The following SOX6 variants were observed in gnomAD, a reference collection of about 807,000 sequenced individuals.
SOX6 encodes the protein transcription factor SOX-6.
Under a neutral mutation model 97.8 loss-of-function variants are expected in SOX6, and 11 were observed. That is an observed-to-expected ratio of 0.11 (90% CI 0.07 to 0.19). The LOEUF is 0.19. SOX6 is among the 10% of genes least tolerant of loss of function. The probability of loss-of-function intolerance (pLI) is 1.00; values close to 1 mark genes in which losing one functional copy is unlikely to be tolerated. For missense variants in SOX6, 810 were observed against 1,039.5 expected (o/e 0.78, Z 3.04); for synonymous variants, 360 against 371.4 (o/e 0.97, Z 0.35).
chr11:16,019,360 C>T (rs940136878), intron 12 of SOX6, among the ~76,000 whole-genome samples: 4 of 152,010 alleles, frequency 2.6e-5, no homozygotes, highest in African/African-American at 9.7e-5. Flanking sequence ...AACCTTTATT[C>T]AAAAGCTCAT....
At chr11:16,706,703 G>GT (rs2134045121) in intron 3 of SOX6, among the ~76,000 whole-genome samples, 1 of 149,940 alleles carries the variant, frequency 6.7e-6, no homozygotes, top group South Asian at 2.1e-4. Context: ...GGGGAGAGGA[G>GT]TTTGAGTTTG....
chr11:16,562,456 C>A (rs1847826574), intron 4 of SOX6, among the ~76,000 whole-genome samples: 1 of 152,150 alleles, frequency 6.6e-6, no homozygotes, highest in African/African-American at 2.4e-5. Flanking sequence ...AGGAAAGAGG[C>A]AGCTTTTAGT....
At chr11:16,694,191 G>A (rs762148396) in intron 3 of SOX6, among the ~76,000 whole-genome samples, 10 of 152,100 alleles carry the variant, frequency 6.6e-5, no homozygotes, top group Non-Finnish European at 1.2e-4. Context: ...CATGATTTTT[G>A]TACTGTAGGA....
chr11:16,128,766 T>G (rs1849667480), intron 6 of SOX6, among the ~76,000 whole-genome samples: 2 of 152,186 alleles, frequency 1.3e-5, no homozygotes, highest in Non-Finnish European at 2.9e-5. Flanking sequence ...AGGGATAGTG[T>G]GACTTGCCGA....
chr11:16,452,012 A>AAATAAATAAATAAAT (rs1554968282), intron 1 of SOX6, among the ~76,000 whole-genome samples: 3 of 142,202 alleles, frequency 2.1e-5, no homozygotes, highest in Admixed American at 7.3e-5. Flanking sequence ...ATAAATAAAT[A>AAATAAATAAATAAAT]AAATAAAATT....
intron 4 of SOX6, among the ~76,000 whole-genome samples, chr11:16,495,964 ACAC>A (rs1488157764): frequency 6.6e-6 from 1 of 152,214 alleles, no homozygotes; most frequent in Admixed American, 6.5e-5. Context: ...GAAATCTCAG[ACAC>A]CATTGACACT....
chr11:16,310,398 C>T (rs534780374), intron 3 of SOX6, among the ~76,000 whole-genome samples: 2 of 152,156 alleles, frequency 1.3e-5, no homozygotes, highest in African/African-American at 4.8e-5. Context: ...ATAGTTCTAG[C>T]TCCTCAATAT....
chr11:16,336,910 C>G (rs1296468514), intron 2 of SOX6, among the ~76,000 whole-genome samples: 1 of 152,124 alleles, frequency 6.6e-6, no homozygotes, highest in South Asian at 2.1e-4. Flanking sequence ...CCAATTTCAG[C>G]TCAAATGTCA....
At position 16,206,171 on chromosome 11, in the gene SOX6, C is replaced by T. The variant is rs568229084; in HGVS notation, c.536-19216G>A. 1.3e-4 allele frequency among the ~76,000 whole-genome samples: 20 copies of T among 151,922 alleles called. No homozygotes were observed. In the South Asian group the frequency reaches 1.7e-3, roughly 13 times the overall value. ...ACAACTAGCATTAACTTTTCAGATG[C>T]GATATTTTTGTTAATTTTAAGAGTA... On this transcript the variant is annotated intron_variant, in intron 4 of 15. Transcript: ENST00000683767.
At position 16,732,535 on chromosome 11, in the gene SOX6, T is replaced by C. The variant is rs561768657; in HGVS notation, n.353+3804A>G. Among the ~76,000 whole-genome samples, 67 of 152,324 alleles carry C rather than the reference T, an allele frequency of 4.4e-4. 1 individual carries two copies. Among genetic ancestry groups the C allele is most frequent in the South Asian group, 2.5e-3 (12 of 4,828 alleles). On this transcript the variant is annotated intron_variant and non_coding_transcript_variant, in intron 2 of 5. Transcript: ENST00000524520. The stretch of plus-strand genomic sequence containing the variant: ...GCTTTGGGAAAACTGGCTAGCCACA[T>C]GCAGAAAACTGAAACTGGACCCCTT...
chr11:16,516,102 G>C (rs923685380), intron 4 of SOX6, among the ~76,000 whole-genome samples: 6 of 150,230 alleles, frequency 4.0e-5, no homozygotes, highest in Admixed American at 3.3e-4. Context: ...TTGGTAGCTT[G>C]ATGGGGATGG....
At position 16,595,239 on chromosome 11, in the gene SOX6, G is replaced by A. The variant is rs562683006; in HGVS notation, n.609+16842C>T. On this transcript the variant is annotated intron_variant and non_coding_transcript_variant, in intron 4 of 5. Transcript: ENST00000524520. ...ATGCAAGTCTCCAGGATGCCAAAGC[G>A]GTGGTGAGGAAAATAGGTTAAAGCC... 1.3e-4 allele frequency among the ~76,000 whole-genome samples: 20 copies of A among 151,818 alleles called. 1 individual carries two copies. The South Asian group carries it at 3.3e-3, about 25-fold the overall frequency.
chr11:16,154,330 G>C lies in SOX6; in HGVS notation c.777+29556C>G, dbSNP rs78559817. Reference sequence around the variant, plus strand: ...ACATTTGCTAACAATCATTACAATAGAATAATAACCCCCCTAATTAACATG... The same window carrying C: ...ACATTTGCTAACAATCATTACAATACAATAATAACCCCCCTAATTAACATG... On this transcript the variant is annotated intron_variant, in intron 6 of 15. Transcript: ENST00000683767. Among the ~76,000 whole-genome samples, 867 of 152,180 alleles carry C rather than the reference G, an allele frequency of 5.7e-3. 3 individuals carry two copies. The highest frequency in any genetic ancestry group is 9.0e-3 in the Non-Finnish European group (611 of 67,988).
chr11:16,712,981 A>C (rs1848192782), intron 3 of SOX6, among the ~76,000 whole-genome samples: 1 of 152,178 alleles, frequency 6.6e-6, no homozygotes, highest in African/African-American at 2.4e-5. Context: ...TGCCACCTTA[A>C]AGGATCTTAG....
intron 6 of SOX6, among the ~76,000 whole-genome samples, chr11:16,165,143 A>G (rs983428343): frequency 6.6e-6 from 1 of 152,214 alleles, no homozygotes; most frequent in African/African-American, 2.4e-5. Context: ...AGCCACAAAT[A>G]CTAACTTGAA....
intron 13 of SOX6, among the ~76,000 whole-genome samples, chr11:16,006,462 GGAGAAGACAAA>G (rs1204673869): frequency 1.1e-4 from 16 of 152,038 alleles, no homozygotes; most frequent in African/African-American, 3.6e-4. Context: ...TGGGCTTAGT[GGAGAAGACAAA>G]GATGAAAAAG....
intron 7 of SOX6, among the ~76,000 whole-genome samples, chr11:16,104,957 A>G (rs1156482807): frequency 6.6e-6 from 1 of 152,038 alleles, no homozygotes; most frequent in Non-Finnish European, 1.5e-5. Context: ...GATTCTGCCA[A>G]ATGTTTAAAG....
At chr11:16,544,634 A>G (rs1286314191) in intron 4 of SOX6, among the ~76,000 whole-genome samples, 1 of 152,206 alleles carries the variant, frequency 6.6e-6, no homozygotes, top group East Asian at 1.9e-4. Flanking sequence ...AACATTATAA[A>G]TATACCAAAT....
chr11:16,505,682 C>G (rs1158862445), intron 4 of SOX6, among the ~76,000 whole-genome samples: 1 of 152,190 alleles, frequency 6.6e-6, no homozygotes, highest in Non-Finnish European at 1.5e-5. Context: ...CATCAAACAC[C>G]TGGATGCCTA....
Sources: allele counts gnomAD v4.1 joint callset (sites outside exome capture counted in the v4.1 genomes callset), GRCh38; gene constraint gnomAD v4.1.1; transcripts MANE v1.5; gene names NCBI Gene and HGNC (gene_info 2026-07-23, HGNC 2026-07-21).